CCDC102B: variants seen among roughly 807,000 people sequenced by gnomAD.
CCDC102B encodes coiled-coil domain-containing protein 102B.
In CCDC102B, 75 loss-of-function variants were observed where a neutral mutation model predicts 57.4. The ratio of observed to expected loss-of-function variants is 1.31; its 90% CI spans 1.08 to 1.58. The LOEUF is 1.58. Ranked by LOEUF, CCDC102B falls within the 40% of genes most tolerant of loss-of-function variation. The probability of loss-of-function intolerance (pLI) is 0.00; values close to 1 mark genes in which losing one functional copy is unlikely to be tolerated. For missense variants in CCDC102B, 636 were observed against 582.6 expected, an observed-to-expected ratio of 1.09 and a Z score of -0.94; for synonymous variants, 206 against 201.9, an observed-to-expected ratio of 1.02 and a Z score of -0.17.
chr18:68,879,423 C>G (rs2039590928), intron 5 of CCDC102B, among the ~76,000 whole-genome samples: 1 of 152,168 alleles, frequency 6.6e-6, no homozygotes, highest in Non-Finnish European at 1.5e-5. Flanking sequence ...ATTCTTTTAT[C>G]TGGCCCCACC....
intron 6 of CCDC102B, among the ~76,000 whole-genome samples, chr18:69,004,888 A>G (rs1427994505): frequency 6.6e-6 from 1 of 152,194 alleles, no homozygotes; most frequent in African/African-American, 2.4e-5. Context: ...TATTTGACAC[A>G]TGAGATGTTA....
chr18:68,993,245 A>T (rs12954633), intron 6 of CCDC102B: 131,174 of 152,686 alleles, frequency 0.86, 58,265 homozygotes, highest in Non-Finnish European at 0.97. Context: ...GATCCAGCTC[A>T]TAGCCTCGTA....
intron 6 of CCDC102B, among the ~76,000 whole-genome samples, chr18:68,921,042 T>A (rs892181950): frequency 6.6e-6 from 1 of 152,150 alleles, no homozygotes; most frequent in African/African-American, 2.4e-5. Flanking sequence ...GATGAGATGT[T>A]GTAAAAGTGT....
intron 2 of CCDC102B, among the ~76,000 whole-genome samples, chr18:68,740,814 A>G (rs2033347586): frequency 6.6e-6 from 1 of 152,138 alleles, no homozygotes; most frequent in African/African-American, 2.4e-5. Flanking sequence ...ATGAATATGT[A>G]TATATATGTA....
At chr18:68,903,638 T>A (rs1045725627) in intron 6 of CCDC102B, among the ~76,000 whole-genome samples, 2 of 152,210 alleles carry the variant, frequency 1.3e-5, no homozygotes, top group African/African-American at 2.4e-5. Flanking sequence ...GTCTATGTAT[T>A]CTCTATTTCA....
intron 4 of CCDC102B, among the ~76,000 whole-genome samples, chr18:68,871,539 G>T (rs1394601765): frequency 6.6e-6 from 1 of 152,128 alleles, no homozygotes; most frequent in East Asian, 1.9e-4. Flanking sequence ...TTTTAAAGGA[G>T]AAAGTATAGT....
At chr18:68,805,560 G>A (rs529141303) in intron 1 of CCDC102B, among the ~76,000 whole-genome samples, 2 of 152,220 alleles carry the variant, frequency 1.3e-5, no homozygotes, top group South Asian at 2.1e-4. Flanking sequence ...AGCCGATGAG[G>A]AAGAGAGAAA....
At chr18:68,887,926 G>T (rs1447437725) in intron 5 of CCDC102B, among the ~76,000 whole-genome samples, 2 of 152,184 alleles carry the variant, frequency 1.3e-5, no homozygotes, top group African/African-American at 2.4e-5. Flanking sequence ...TCATATTTAT[G>T]TTTGCTAAAT....
At chr18:69,016,139 A>C (rs1213345384) in intron 7 of CCDC102B, among the ~76,000 whole-genome samples, 3 of 151,600 alleles carry the variant, frequency 2.0e-5, no homozygotes, top group African/African-American at 7.3e-5. Flanking sequence ...CTGGGATTAC[A>C]GGCGTGAGCC....
chr18:69,036,447 T>A (rs2052294326), intron 7 of CCDC102B, among the ~76,000 whole-genome samples: 1 of 152,112 alleles, frequency 6.6e-6, no homozygotes, highest in African/African-American at 2.4e-5. Context: ...AACAAAGGAA[T>A]TATTCTGTAC....
At chr18:68,821,631 G>A (rs2036693006) in intron 1 of CCDC102B, among the ~76,000 whole-genome samples, 1 of 151,644 alleles carries the variant, frequency 6.6e-6, no homozygotes, top group Non-Finnish European at 1.5e-5. Context: ...ATGTTGCAAA[G>A]TTCTTTCTTT....
At chr18:68,779,322 T>C (rs2034928500) in intron 2 of CCDC102B, among the ~76,000 whole-genome samples, 1 of 152,142 alleles carries the variant, frequency 6.6e-6, no homozygotes, top group Non-Finnish European at 1.5e-5. Flanking sequence ...GCATAGATGC[T>C]GGGGATTATA....
At chr18:68,876,182 A>C (rs758079981) in intron 5 of CCDC102B, among the ~76,000 whole-genome samples, 1 of 152,242 alleles carries the variant, frequency 6.6e-6, no homozygotes, top group Non-Finnish European at 1.5e-5. Context: ...GGAAGAAAGC[A>C]CATATAGATA....
chr18:68,788,135 G>A (rs1306743891), intron 2 of CCDC102B, among the ~76,000 whole-genome samples: 8 of 152,068 alleles, frequency 5.3e-5, no homozygotes, highest in African/African-American at 1.2e-4. Flanking sequence ...GTAGTTGAGC[G>A]GTTTTGAGTG....
chr18:68,862,603 A>G (rs1361753453), intron 4 of CCDC102B, among the ~76,000 whole-genome samples: 1 of 152,148 alleles, frequency 6.6e-6, no homozygotes, highest in African/African-American at 2.4e-5. Context: ...CATGTATGTT[A>G]CAAAGCTCTA....
intron 1 of CCDC102B, among the ~76,000 whole-genome samples, chr18:68,836,253 C>T (rs1183820322): frequency 6.6e-6 from 1 of 152,066 alleles, no homozygotes; most frequent in African/African-American, 2.4e-5. Context: ...AAATTGAATA[C>T]GAGCATTTTC....
intron 5 of CCDC102B, among the ~76,000 whole-genome samples, chr18:68,894,534 G>A (rs1184712768): frequency 1.3e-5 from 2 of 151,726 alleles, no homozygotes; most frequent in Non-Finnish European, 3.0e-5. Flanking sequence ...GATAAACTCT[G>A]AGAGCTTAAA....
intron 7 of CCDC102B, among the ~76,000 whole-genome samples, chr18:69,048,123 G>T (rs2052611988): frequency 6.6e-6 from 1 of 151,304 alleles, no homozygotes; most frequent in Admixed American, 6.6e-5. Context: ...ATGAATCAAA[G>T]AAAAAGTTTA....
At chr18:69,025,787 G>A (rs944327370) in intron 7 of CCDC102B, among the ~76,000 whole-genome samples, 3 of 152,152 alleles carry the variant, frequency 2.0e-5, no homozygotes, top group East Asian at 1.9e-4. Flanking sequence ...ATATTTCAGA[G>A]GTGATAATCA....
Sources: allele counts gnomAD v4.1 joint callset (sites outside exome capture counted in the v4.1 genomes callset), GRCh38; gene constraint gnomAD v4.1.1; transcripts MANE v1.5; gene names NCBI Gene and HGNC (gene_info 2026-07-23, HGNC 2026-07-21).